Variants in KCNQ2 observed in about 807,000 individuals in gnomAD.
The protein encoded by KCNQ2 is potassium voltage-gated channel subfamily KQT member 2.
In KCNQ2, 14 loss-of-function variants were observed where a neutral mutation model predicts 84.8. The observed-to-expected ratio is 0.17, with a 90% CI of 0.11 to 0.26. The LOEUF (loss-of-function observed/expected upper bound fraction) is 0.26. Among genes scored for constraint, KCNQ2 ranks in the 10% least tolerant of loss-of-function variants. KCNQ2 has a pLI of 1.00. For synonymous variants in KCNQ2, 599 were observed against 554.1 expected, an observed-to-expected ratio of 1.08 and a Z score of -1.14; for missense variants, 788 against 1,254.0, an observed-to-expected ratio of 0.63 and a Z score of 5.61.
chr20:63,468,614 C>T (rs2082138118), intron 1 of KCNQ2, among the ~76,000 whole-genome samples: 1 of 152,240 alleles, frequency 6.6e-6, no homozygotes, highest in South Asian at 2.1e-4. Context: ...GTCCCAGGCC[C>T]TTCCCTGCAG....
intron 10 of KCNQ2, among the ~76,000 whole-genome samples, chr20:63,428,040 G>A (rs942194537): frequency 2.6e-5 from 4 of 152,202 alleles, no homozygotes; most frequent in African/African-American, 4.8e-5. Flanking sequence ...CCAGGCACTC[G>A]AGAGGACGAC....
chr20:63,428,561 GC>G, intron 9 of KCNQ2, 126 bp from the exon 10 acceptor site: 1 of 820,868 alleles, frequency 1.2e-6, no homozygotes, highest in Non-Finnish European at 2.0e-6. Flanking sequence ...ATGTGACGTG[GC>G]CAGGCTTTCA....
intron 1 of KCNQ2, among the ~76,000 whole-genome samples, chr20:63,468,872 C>T (rs951042741): frequency 1.3e-5 from 2 of 152,232 alleles, no homozygotes; most frequent in Non-Finnish European, 2.9e-5. Context: ...CTGGGACCCC[C>T]CCTTTCAGTT....
At chr20:63,451,438 C>T (rs981929350) in intron 1 of KCNQ2, among the ~76,000 whole-genome samples, 2 of 152,166 alleles carry the variant, frequency 1.3e-5, no homozygotes, top group South Asian at 2.1e-4. Flanking sequence ...TGGCCGTGAC[C>T]GCAGCATGAC....
chr20:63,436,578 C>T (rs531748082), intron 7 of KCNQ2, among the ~76,000 whole-genome samples: 1 of 152,136 alleles, frequency 6.6e-6, no homozygotes, highest in South Asian at 2.1e-4. Context: ...GCAGCCCCAC[C>T]TCATCAGCAG....
intron 7 of KCNQ2, chr20:63,434,647 G>C (rs910271632): frequency 6.6e-6 from 1 of 152,122 alleles, no homozygotes; most frequent in African/African-American, 2.4e-5. Flanking sequence ...GGGTGTACGG[G>C]GCTCCACGGA....
chr20:63,443,247 A>AT (rs2081290215), intron 4 of KCNQ2, among the ~76,000 whole-genome samples: 1 of 13,440 alleles, frequency 7.4e-5, no homozygotes, highest in South Asian at 1.9e-3. Flanking sequence ...CACCACCATC[A>AT]CATCACCATC....
At chr20:63,424,085 A>C in intron 11 of KCNQ2, 92 bp downstream of exon 11, 1 of 1,408,236 alleles carries the variant, frequency 7.1e-7, no homozygotes, top group African/African-American at 1.4e-5. Flanking sequence ...CAAGGCCCTC[A>C]CATCTCCATG....
intron 4 of KCNQ2, among the ~76,000 whole-genome samples, chr20:63,443,135 TCATCAC>T (rs2081280558): frequency 5.5e-5 from 3 of 54,468 alleles, no homozygotes; most frequent in East Asian, 7.7e-4. Flanking sequence ...ACCACCACCA[TCATCAC>T]CACCACCATC....
chr20:63,471,631 C>A (rs2082216467), intron 1 of KCNQ2: 1 of 153,024 alleles, frequency 6.5e-6, no homozygotes, highest in South Asian at 2.1e-4. Context: ...CTGCGCTCAG[C>A]CCGGGCTGGG....
intron 7 of KCNQ2, among the ~76,000 whole-genome samples, chr20:63,436,652 G>C (rs530368702): frequency 2.6e-5 from 4 of 152,204 alleles, no homozygotes; most frequent in Non-Finnish European, 5.9e-5. Context: ...AGAAGGCTCA[G>C]GTGATTGTTA....
At chr20:63,416,327 G>A (rs1018000496) in intron 12 of KCNQ2, among the ~76,000 whole-genome samples, 4 of 152,350 alleles carry the variant, frequency 2.6e-5, no homozygotes, top group Non-Finnish European at 4.4e-5. Flanking sequence ...CGTGGAGATG[G>A]GTTTGCACCC....
chr20:63,415,441 A>G (rs1450409938), intron 12 of KCNQ2, among the ~76,000 whole-genome samples: 3 of 46,854 alleles, frequency 6.4e-5, no homozygotes, highest in Admixed American at 1.9e-4. Flanking sequence ...GGAGGGAGGG[A>G]GGGGAGGCCA....
Position 63,404,934 on chromosome 20 carries a change from AGTGCCCTGGCCGGGCTGGGG to A in KCNQ2, c.*1690_*1709del, listed in dbSNP as rs1288980403. On this transcript the variant is annotated 3_prime_UTR_variant, in exon 17 of 17. Transcript: ENST00000359125. ...CACCTCAATGGCGACAGGGCCTGGG[AGTGCCCTGGCCGGGCTGGGG>A]GTAGGCAGAGAGGCCAGGGCAGCAG... is the stretch of plus-strand genomic sequence containing the variant. 1 of 152,222 alleles carries A rather than the reference AGTGCCCTGGCCGGGCTGGGG, an allele frequency of 6.6e-6. No individual in the cohort carries two copies. The highest frequency in any genetic ancestry group is 2.4e-5 in the African/African-American group (1 of 41,436). 9.4% of individuals were successfully genotyped at this position (152,222 alleles called of 1,614,324 possible). A position where few individuals can be genotyped will look rare whatever the true frequency, so the allele number is the denominator to read the frequency against.
In KCNQ2 at chr20:63,414,831, T is replaced by C. The variant is rs907407051; in HGVS notation, c.1525+72A>G. The C allele has an allele frequency of 1.2e-5, 17 of 1,459,038 alleles. No homozygotes were observed. In the African/African-American group the frequency reaches 1.8e-4, roughly 16 times the overall value. 90.4% of individuals were successfully genotyped at this position (1,459,038 alleles called of 1,614,324 possible). ...CAAAAGCAGCTGCGACGCCACAGGG[T>C]GGCCACAGTAGCGTGGCCACCACAT... On this transcript the variant is annotated intron_variant, in intron 13 of 16. Coordinates refer to ENST00000359125, the MANE Select transcript of KCNQ2 (RefSeq NM_172107.4). This position sits in a 1 kb window ranked among gnomAD's most constrained non-coding sequence, Gnocchi z 6.6.
At chr20:63,430,316 C>T (rs928888147) in intron 9 of KCNQ2, among the ~76,000 whole-genome samples, 24 of 152,060 alleles carry the variant, frequency 1.6e-4, no homozygotes, top group Admixed American at 1.3e-4. Context: ...GCAGCAGGGC[C>T]TCTGCAGACA....
At chr20:63,440,259 G>A (rs1004738222) in intron 5 of KCNQ2, among the ~76,000 whole-genome samples, 1 of 152,106 alleles carries the variant, frequency 6.6e-6, no homozygotes, top group African/African-American at 2.4e-5. Context: ...GGGGTGGTGG[G>A]CAAGGGGGAG....
intron 1 of KCNQ2, among the ~76,000 whole-genome samples, chr20:63,464,038 A>G (rs1176620848): frequency 6.6e-6 from 1 of 152,178 alleles, no homozygotes; most frequent in Non-Finnish European, 1.5e-5. Context: ...CCACAAAGCC[A>G]TTCCCAGCAA....
intron 11 of KCNQ2, among the ~76,000 whole-genome samples, chr20:63,420,213 G>A (rs957922382): frequency 1.3e-5 from 2 of 152,210 alleles, no homozygotes; most frequent in African/African-American, 4.8e-5. Context: ...GGCTATCTGG[G>A]GGTTCAAGGG....
Sources: gnomAD v4.1 joint callset for allele counts (sites outside exome capture counted in the v4.1 genomes callset) on GRCh38, gnomAD v4.1.1 for gene constraint, Gnocchi (gnomAD v3.1) non-coding constraint, MANE v1.5 for transcripts, NCBI Gene and HGNC (gene_info 2026-07-23, HGNC 2026-07-21) for gene names.